The following LRSAM1 variants were observed in gnomAD, a reference collection of about 807,000 sequenced individuals.
The protein encoded by LRSAM1 is leucine rich repeat and sterile alpha motif containing 1, also known as E3 ubiquitin-protein ligase LRSAM1.
A neutral mutation model predicts 118.1 loss-of-function variants in LRSAM1; 96 were observed. The ratio of observed to expected loss-of-function variants is 0.81; its 90% confidence interval spans 0.69 to 0.96. The LOEUF (loss-of-function observed/expected upper bound fraction) is 0.96, where lower values mean the gene tolerates loss of function less well. LRSAM1 is among the 40% of genes least tolerant of loss of function. LRSAM1 has a pLI of 0.00. For synonymous variants in LRSAM1, 322 were observed against 364.2 expected, an observed-to-expected ratio of 0.88 and a Z score of 1.32; for missense variants, 804 against 915.5, an observed-to-expected ratio of 0.88 and a Z score of 1.57.
At chr9:127,490,130 C>A (rs909428741) in intron 19 of LRSAM1, among the ~76,000 whole-genome samples, 1 of 151,976 alleles carries the variant, frequency 6.6e-6, no homozygotes, top group Non-Finnish European at 1.5e-5. Flanking sequence ...GTGGTCACCG[C>A]CTGTGGAGTG....
chr9:127,487,843 G>C, intron 18 of LRSAM1, 80 bp downstream of exon 18: 1 of 1,277,420 alleles, frequency 7.8e-7, no homozygotes, highest in Non-Finnish European at 1.1e-6. Context: ...AGCTCCACAC[G>C]GAGCCCTTCC....
chr9:127,497,886 G>A (rs530082224), intron 24 of LRSAM1, among the ~76,000 whole-genome samples: 25 of 152,332 alleles, frequency 1.6e-4, no homozygotes, highest in African/African-American at 4.3e-4. Flanking sequence ...AGGAACCTCC[G>A]GATCCATCCC....
In LRSAM1 at chr9:127,497,665, T is replaced by C. The variant is rs374192112; in HGVS notation, c.1912+331T>C. On this transcript the variant is annotated intron_variant, in intron 24 of 25. Transcript: ENST00000300417. The stretch of plus-strand genomic sequence containing the variant: ...AGGGACTTTGGACTAGAGGGAGAAA[T>C]AGCCCGTCCCCAGGGCCTGCAGTAT... 2.1e-4 allele frequency among the ~76,000 whole-genome samples: 32 copies of C among 152,202 alleles called. No individual in the cohort carries two copies. In the East Asian group the frequency reaches 4.5e-3, roughly 21 times the overall value.
At chr9:127,488,575 AT>A (rs1304158460) in intron 18 of LRSAM1, among the ~76,000 whole-genome samples, 9 of 144,014 alleles carry the variant, frequency 6.2e-5, no homozygotes, top group Non-Finnish European at 1.4e-4. Flanking sequence ...TTAGCTTTTT[AT>A]TTTCCTTTTT....
At chr9:127,481,041 C>T (rs1353687034) in intron 14 of LRSAM1, 142 bp from the exon 15 acceptor site, 1 of 817,274 alleles carries the variant, frequency 1.2e-6, no homozygotes, top group East Asian at 2.5e-5. Flanking sequence ...GTTTCAGTAA[C>T]TGGCTAAGAA....
chr9:127,455,423 C>G (rs753041879), intron 4 of LRSAM1, among the ~76,000 whole-genome samples, 153 bp from the exon 5 acceptor site: 1 of 152,246 alleles, frequency 6.6e-6, no homozygotes, highest in Non-Finnish European at 1.5e-5. Context: ...CCACTGCTTG[C>G]CAGCCTTGCC....
intron 25 of LRSAM1, among the ~76,000 whole-genome samples, chr9:127,501,360 A>G (rs1836384881): frequency 6.6e-6 from 1 of 151,870 alleles, no homozygotes; most frequent in Admixed American, 6.6e-5. Flanking sequence ...TTTTGTTCCT[A>G]CTTAATAAAT....
chr9:127,479,026 A>G lies in LRSAM1; in HGVS notation c.780+63A>G. On this transcript the variant is annotated intron_variant, in intron 12 of 25. Coordinates refer to ENST00000300417, the MANE Select transcript of LRSAM1 (RefSeq NM_001005373.4). The stretch of plus-strand genomic sequence containing the variant: ...CATTAAAGATCTCAACTCAACTCAT[A>G]AAATATTTGAGAAAATGACTTCTTC... 4 of 1,528,420 alleles carry G rather than the reference A, an allele frequency of 2.6e-6. No homozygotes were observed. In the South Asian group the frequency reaches 3.4e-5, roughly 13 times the overall value. The allele number at this position is 1,528,420 out of a possible 1,614,324, so 94.7% of individuals were successfully genotyped here.
intron 11 of LRSAM1, 74 bp downstream of exon 11, chr9:127,474,005 G>A: frequency 6.2e-7 from 1 of 1,603,286 alleles, no homozygotes; most frequent in Non-Finnish European, 8.5e-7. Context: ...GAGGGAGCTG[G>A]GAATGGAAGG....
At chr9:127,460,076 T>C (rs776821362) in intron 7 of LRSAM1, among the ~76,000 whole-genome samples, 8 of 151,314 alleles carry the variant, frequency 5.3e-5, no homozygotes, top group Non-Finnish European at 1.2e-4. Context: ...CTCGGCTCAC[T>C]GCAATCTCCA....
chr9:127,459,857 C>T (rs1834668638), intron 7 of LRSAM1, among the ~76,000 whole-genome samples: 1 of 152,184 alleles, frequency 6.6e-6, no homozygotes, highest in Non-Finnish European at 1.5e-5. Flanking sequence ...CTGCACCTGG[C>T]CAGTAGGTGT....
At chr9:127,473,544 C>G (rs1370237707) in intron 10 of LRSAM1, among the ~76,000 whole-genome samples, 1 of 152,196 alleles carries the variant, frequency 6.6e-6, no homozygotes, top group Non-Finnish European at 1.5e-5. Flanking sequence ...TTCATCACTT[C>G]ATTCTCACTT....
rs191390682 is a variant in LRSAM1, at chr9:127,474,077, C to T, written c.750+146C>T. 2.0e-5 allele frequency: 27 copies of T among 1,344,762 alleles called. No individual in the cohort carries two copies. The Admixed American group carries it at 2.6e-4, about 13-fold the overall frequency. 83.3% of individuals were successfully genotyped at this position (1,344,762 alleles called of 1,614,324 possible). A position where few individuals can be genotyped will look rare whatever the true frequency, so the allele number is the denominator to read the frequency against. On this transcript the variant is annotated intron_variant, in intron 11 of 25. Coordinates refer to ENST00000300417, the MANE Select transcript of LRSAM1 (RefSeq NM_001005373.4). The stretch of plus-strand genomic sequence containing the variant: ...CATAGAACTAGAACTGGCCTCCTGA[C>T]GAGTTGAACTGCTTTTTCAAGGCCT...
chr9:127,495,457 G>C (rs375244765), intron 22 of LRSAM1, 39 bp downstream of exon 22: 3 of 1,582,188 alleles, frequency 1.9e-6, no homozygotes, highest in Non-Finnish European at 2.6e-6. Flanking sequence ...AGGGAGCCCT[G>C]GGGACCTCCT....
Position 127,483,170 on chromosome 9 carries a change from T to TG in LRSAM1, c.1159+154dup, listed in dbSNP as rs1240176375. On this transcript the variant is annotated intron_variant, in intron 16 of 25. Transcript: ENST00000300417. Reference sequence around the variant, plus strand: ...AAGTCCTGCCATGGAGCACAGGCTCTGGGGTCAGCCTAGATGTGGATGCAG... The same window carrying TG: ...AAGTCCTGCCATGGAGCACAGGCTCTGGGGGTCAGCCTAGATGTGGATGCAG... 10 of 747,268 alleles carry TG rather than the reference T, an allele frequency of 1.3e-5. No individual in the cohort carries two copies. The East Asian group carries it at 1.3e-4, about 10-fold the overall frequency. 46.3% of individuals were successfully genotyped at this position (747,268 alleles called of 1,614,324 possible). A position where few individuals can be genotyped will look rare whatever the true frequency, so the allele number is the denominator to read the frequency against.
intron 24 of LRSAM1, among the ~76,000 whole-genome samples, chr9:127,499,537 A>AT (rs1392699385): frequency 1.3e-3 from 149 of 115,234 alleles, no homozygotes; most frequent in Admixed American, 5.7e-3. Context: ...TCTAAAAAAA[A>AT]ATATATATAT....
At chr9:127,502,294 G>A (rs1186832731) in intron 25 of LRSAM1, among the ~76,000 whole-genome samples, 1 of 152,174 alleles carries the variant, frequency 6.6e-6, no homozygotes, top group Non-Finnish European at 1.5e-5. Context: ...GCTAACAGAA[G>A]GCCTAGGTTA....
chr9:127,479,369 T>A lies in LRSAM1; in HGVS notation c.781-14T>A. The A allele has an allele frequency of 6.2e-7, 1 of 1,614,110 alleles. No individual in the cohort carries two copies. Among genetic ancestry groups the A allele is most frequent in the Non-Finnish European group, 8.5e-7 (1 of 1,180,006 alleles). ...GGGCCTGTGCTGACAGTCACCAGGATCTGTGTCTTGCAGGAACAGAAGATG... is the reference window on the plus strand; with the variant it reads ...GGGCCTGTGCTGACAGTCACCAGGAACTGTGTCTTGCAGGAACAGAAGATG... On this transcript the variant is annotated splice_polypyrimidine_tract_variant and intron_variant, in intron 12 of 25. Coordinates refer to ENST00000300417, the MANE Select transcript of LRSAM1 (RefSeq NM_001005373.4).
In LRSAM1 at chr9:127,497,369, C is replaced by T. The variant is rs374810801; in HGVS notation, c.1912+35C>T. 29 of 1,590,782 alleles carry T rather than the reference C, an allele frequency of 1.8e-5. No individual in the cohort carries two copies. In the African/African-American group the frequency reaches 3.5e-4, roughly 19 times the overall value. On this transcript the variant is annotated intron_variant, in intron 24 of 25. Coordinates refer to ENST00000300417, the MANE Select transcript of LRSAM1 (RefSeq NM_001005373.4). The stretch of plus-strand genomic sequence containing the variant: ...CAGCTCCAGCCTCTTCCAGGCAGGG[C>T]TCCAGCCGTATGTGTGGGCTCTGGT...
Sources: gnomAD v4.1 joint callset for allele counts (sites outside exome capture counted in the v4.1 genomes callset) on GRCh38, gnomAD v4.1.1 for gene constraint, MANE v1.5 for transcripts, NCBI Gene and HGNC (gene_info 2026-07-23, HGNC 2026-07-21) for gene names.